The following CDH10 variants were observed in gnomAD, a reference collection of about 807,000 sequenced individuals.
The protein encoded by CDH10 is cadherin 10.
Under a neutral mutation model 73.1 loss-of-function variants are expected in CDH10, and 30 were observed. The observed-to-expected ratio is 0.41, with a 90% CI of 0.31 to 0.56. The LOEUF is 0.56. Ranked by LOEUF, CDH10 falls within the 20% of genes least tolerant of loss-of-function variation. The probability of loss-of-function intolerance (pLI) is 0.27; values close to 1 mark genes in which losing one functional copy is unlikely to be tolerated. For synonymous variants in CDH10, 345 were observed against 348.2 expected (o/e 0.99, Z 0.10); for missense variants, 815 against 973.7 (o/e 0.84, Z 2.17).
intron 2 of CDH10, among the ~76,000 whole-genome samples, chr5:24,574,055 T>A (rs531186855): frequency 2.0e-5 from 3 of 151,572 alleles, no homozygotes; most frequent in Non-Finnish European, 4.4e-5. Flanking sequence ...CGGCTAATTT[T>A]TTCGTATTTT....
At chr5:24,584,349 A>G (rs1339166705) in intron 2 of CDH10, among the ~76,000 whole-genome samples, 2 of 151,256 alleles carry the variant, frequency 1.3e-5, no homozygotes, top group African/African-American at 2.4e-5. Context: ...CTGATTATGT[A>G]TGATGGTGAC....
intron 1 of CDH10, among the ~76,000 whole-genome samples, chr5:24,610,539 T>C (rs2112142572): frequency 6.6e-6 from 1 of 152,280 alleles, no homozygotes; most frequent in Non-Finnish European, 1.5e-5. Context: ...AACATTAGGT[T>C]TCCTCTGAAT....
chr5:24,614,751 T>A (rs1382621187), intron 1 of CDH10, among the ~76,000 whole-genome samples: 2 of 152,122 alleles, frequency 1.3e-5, no homozygotes, highest in Non-Finnish European at 2.9e-5. Context: ...TATTTGGGAG[T>A]ATTTTATATG....
chr5:24,521,394 A>G (rs1333745288), intron 5 of CDH10, among the ~76,000 whole-genome samples: 1 of 152,146 alleles, frequency 6.6e-6, no homozygotes, highest in African/African-American at 2.4e-5. Flanking sequence ...AAAATGCAAA[A>G]TTAGCCGGGC....
intron 2 of CDH10, among the ~76,000 whole-genome samples, chr5:24,583,245 C>T (rs1215135621): frequency 6.7e-6 from 1 of 148,254 alleles, no homozygotes; most frequent in Non-Finnish European, 1.5e-5. Flanking sequence ...TCTCACATCT[C>T]ATAAAGTACA....
intron 1 of CDH10, among the ~76,000 whole-genome samples, chr5:24,631,390 A>AATCAG (rs1747700508): frequency 6.6e-6 from 1 of 152,006 alleles, no homozygotes; most frequent in African/African-American, 2.4e-5. Flanking sequence ...TATAATGAAA[A>AATCAG]ATCAGTACAT....
chr5:24,563,641 G>A (rs1211295466), intron 2 of CDH10, among the ~76,000 whole-genome samples: 4 of 146,894 alleles, frequency 2.7e-5, no homozygotes, highest in African/African-American at 9.9e-5. Context: ...TGGCCGGCAG[G>A]CGCCTGTGGT....
chr5:24,493,765 CT>C (rs1441236240), intron 9 of CDH10, among the ~76,000 whole-genome samples: 8 of 151,816 alleles, frequency 5.3e-5, no homozygotes, highest in African/African-American at 7.2e-5. Flanking sequence ...AATATGTACA[CT>C]GATGCCTACA....
chr5:24,490,017 A>G (rs1741991561), intron 11 of CDH10, among the ~76,000 whole-genome samples: 1 of 152,156 alleles, frequency 6.6e-6, no homozygotes, highest in African/African-American at 2.4e-5. Flanking sequence ...TGAAAATAAT[A>G]ACACCATACA....
chr5:24,558,557 T>A (rs576981775), intron 2 of CDH10, among the ~76,000 whole-genome samples: 25 of 151,788 alleles, frequency 1.6e-4, no homozygotes, highest in African/African-American at 5.3e-4. Flanking sequence ...ATACTTTATA[T>A]AGAATACTGC....
In CDH10 at chr5:24,504,506, CTTTT is replaced by C. The variant is rs70965605; in HGVS notation, c.1393+602_1393+605del. 3.7e-3 allele frequency among the ~76,000 whole-genome samples: 243 copies of C among 65,164 alleles called. 71 individuals are homozygous for C. Among genetic ancestry groups the C allele is most frequent in the African/African-American group, 0.014 (220 of 16,042 alleles). 42.8% of individuals were successfully genotyped at this position (65,164 alleles called of 152,430 possible). A position where few individuals can be genotyped will look rare whatever the true frequency, so the allele number is the denominator to read the frequency against. On this transcript the variant is annotated intron_variant, in intron 8 of 11. Coordinates refer to ENST00000264463, the MANE Select transcript of CDH10 (RefSeq NM_006727.5). ...TATTAAATGCTTTTCTCCTATTAAT[CTTTT>C]TTTTTTTTTTTTTTTTTTTTTTTTT...
intron 5 of CDH10, among the ~76,000 whole-genome samples, chr5:24,516,239 G>T (rs1743103805): frequency 1.3e-5 from 2 of 151,842 alleles, no homozygotes; most frequent in African/African-American, 4.8e-5. Flanking sequence ...TCATAGCAGG[G>T]AGTATCCGAT....
At chr5:24,625,440 A>G (rs1747459718) in intron 1 of CDH10, among the ~76,000 whole-genome samples, 1 of 151,766 alleles carries the variant, frequency 6.6e-6, no homozygotes, top group Admixed American at 6.6e-5. Context: ...TAGCAATGTG[A>G]TTAGATATAA....
At chr5:24,561,639 G>C (rs1356195912) in intron 2 of CDH10, among the ~76,000 whole-genome samples, 2 of 152,018 alleles carry the variant, frequency 1.3e-5, no homozygotes, top group Non-Finnish European at 2.9e-5. Context: ...TAGAACAAAA[G>C]CTATAAAGTG....
intron 2 of CDH10, among the ~76,000 whole-genome samples, chr5:24,549,507 C>T (rs10942055): frequency 0.6 from 90,628 of 150,396 alleles, 27,797 homozygotes; most frequent in East Asian, 0.69. Flanking sequence ...GGTAATAGTT[C>T]GTGTTTCAGT....
At chr5:24,498,721 A>G (rs556686075) in intron 8 of CDH10, among the ~76,000 whole-genome samples, 21 of 152,320 alleles carry the variant, frequency 1.4e-4, no homozygotes, top group African/African-American at 4.6e-4. Flanking sequence ...ATTGGGCACA[A>G]GGGTACTATT....
chr5:24,624,131 G>A (rs943610985), intron 1 of CDH10, among the ~76,000 whole-genome samples: 2 of 152,070 alleles, frequency 1.3e-5, no homozygotes, highest in African/African-American at 2.4e-5. Flanking sequence ...TCATCAAGGA[G>A]CGGTGTCCTG....
At chr5:24,628,845 GACACAC>G (rs71698746) in intron 1 of CDH10, among the ~76,000 whole-genome samples, 154 of 126,944 alleles carry the variant, frequency 1.2e-3, no homozygotes, top group Middle Eastern at 7.6e-3. Context: ...TCCCCACCTT[GACACAC>G]ACACACACAC....
rs1394965757 is a variant in CDH10 at position 24,487,353 on chromosome 5, T to C, written c.*310A>G. On this transcript the variant is annotated 3_prime_UTR_variant, in exon 12 of 12. Transcript: ENST00000264463. Reference sequence around the variant, plus strand: ...AGGACATGTACCTAACAGAAGCGGCTTGTTTGTGAGGTTGCTTAAGGGAGA... The same window carrying C: ...AGGACATGTACCTAACAGAAGCGGCCTGTTTGTGAGGTTGCTTAAGGGAGA... 4.0e-6 allele frequency: 1 copy of C among 251,800 alleles called. No individual in the cohort carries two copies. Among genetic ancestry groups the C allele is most frequent in the East Asian group, 8.8e-5 (1 of 11,352 alleles). 15.6% of individuals were successfully genotyped at this position (251,800 alleles called of 1,614,324 possible). A position where few individuals can be genotyped will look rare whatever the true frequency, so the allele number is the denominator to read the frequency against.
Sources: gnomAD v4.1 joint callset for allele counts (sites outside exome capture counted in the v4.1 genomes callset) on GRCh38, gnomAD v4.1.1 for gene constraint, MANE v1.5 for transcripts, NCBI Gene and HGNC (gene_info 2026-07-23, HGNC 2026-07-21) for gene names.